The following MATN2 variants were observed in gnomAD, a reference collection of about 807,000 sequenced individuals.
MATN2 encodes matrilin-2.
In MATN2, 69 loss-of-function variants were observed where a neutral mutation model predicts 103.2. That is an observed-to-expected ratio of 0.67 (90% confidence interval 0.55 to 0.82). MATN2 has a LOEUF of 0.82. MATN2 is among the 40% of genes least tolerant of loss of function. The probability of loss-of-function intolerance (pLI) is 0.00; values close to 1 mark genes in which losing one functional copy is unlikely to be tolerated. For missense variants in MATN2, 1,023 were observed against 1,211.5 expected, an observed-to-expected ratio of 0.84 and a Z score of 2.31; for synonymous variants, 429 against 450.2, an observed-to-expected ratio of 0.95 and a Z score of 0.60.
chr8:98,017,850 A>G, intron 11 of MATN2, 144 bp from the exon 12 acceptor site: 3 of 836,002 alleles, frequency 3.6e-6, no homozygotes, highest in Non-Finnish European at 5.7e-6. Context: ...TTTGTTCTCA[A>G]TTGTAACTTC....
chr8:97,986,789 T>C (rs1291299637), intron 6 of MATN2, among the ~76,000 whole-genome samples: 2 of 152,242 alleles, frequency 1.3e-5, no homozygotes, highest in Non-Finnish European at 2.9e-5. Flanking sequence ...TTCCTCTGGG[T>C]AGATACTCAG....
At chr8:97,912,278 A>G (rs535310492) in intron 2 of MATN2, among the ~76,000 whole-genome samples, 2 of 152,314 alleles carry the variant, frequency 1.3e-5, no homozygotes, top group African/African-American at 2.4e-5. Flanking sequence ...ATCATCTACA[A>G]GAAAGACTAT....
At chr8:97,938,005 G>A (rs181251959) in intron 3 of MATN2, among the ~76,000 whole-genome samples, 1 of 152,240 alleles carries the variant, frequency 6.6e-6, no homozygotes, top group East Asian at 1.9e-4. Flanking sequence ...CTCTCCCCAC[G>A]ATGCTGCCTG....
At chr8:97,945,716 AAAT>A (rs1211745629) in intron 4 of MATN2, among the ~76,000 whole-genome samples, 3 of 80,106 alleles carry the variant, frequency 3.7e-5, no homozygotes, top group African/African-American at 1.6e-4. Context: ...AAAAAAAAAA[AAAT>A]ATATATATAT....
At chr8:97,961,196 T>C (rs1410236094) in intron 4 of MATN2, among the ~76,000 whole-genome samples, 1 of 152,200 alleles carries the variant, frequency 6.6e-6, no homozygotes, top group Non-Finnish European at 1.5e-5. Flanking sequence ...CTCTGGGTAG[T>C]AGGATTACAG....
intron 14 of MATN2, among the ~76,000 whole-genome samples, chr8:98,029,296 C>T (rs1475306667): frequency 6.6e-6 from 1 of 152,202 alleles, no homozygotes; most frequent in Non-Finnish European, 1.5e-5. Flanking sequence ...TCATGTCAAA[C>T]TCATAGGCCC....
At chr8:97,988,189 T>TACAC (rs58039452) in intron 6 of MATN2, among the ~76,000 whole-genome samples, 1,375 of 54,888 alleles carry the variant, frequency 0.025, 61 homozygotes, top group Middle Eastern at 0.043. Context: ...TATATATATA[T>TACAC]ACACACACAC....
chr8:97,938,552 C>T (rs564324433), intron 3 of MATN2, among the ~76,000 whole-genome samples: 2 of 152,284 alleles, frequency 1.3e-5, no homozygotes, highest in South Asian at 4.1e-4. Flanking sequence ...TTGGAAACCA[C>T]CCAAATGCTT....
intron 6 of MATN2, among the ~76,000 whole-genome samples, chr8:97,989,233 G>T (rs920567263): frequency 4.6e-5 from 7 of 152,178 alleles, no homozygotes; most frequent in African/African-American, 1.7e-4. Flanking sequence ...ACTTTGGGAG[G>T]CCGAGGCGGG....
chr8:98,011,318 C>A (rs1277103934), intron 10 of MATN2, among the ~76,000 whole-genome samples: 1 of 151,424 alleles, frequency 6.6e-6, no homozygotes, highest in Non-Finnish European at 1.5e-5. Context: ...TTGGGGGAAA[C>A]AGTCTGTAGC....
intron 3 of MATN2, among the ~76,000 whole-genome samples, chr8:97,937,000 G>GT (rs1477813351): frequency 1.3e-5 from 2 of 152,190 alleles, no homozygotes; most frequent in African/African-American, 4.8e-5. Flanking sequence ...GATGGCAGTT[G>GT]TGAGAGTCCT....
intron 2 of MATN2, among the ~76,000 whole-genome samples, chr8:97,913,368 G>T (rs1183285603): frequency 6.7e-6 from 1 of 149,246 alleles, no homozygotes; most frequent in Non-Finnish European, 1.5e-5. Flanking sequence ...AGGTTGGAGT[G>T]CAGTGGCACG....
intron 6 of MATN2, among the ~76,000 whole-genome samples, chr8:97,980,268 A>T (rs1187281263): frequency 6.6e-6 from 1 of 152,246 alleles, no homozygotes; most frequent in Non-Finnish European, 1.5e-5. Context: ...AAGAGTAAGT[A>T]AATGAATGAG....
At chr8:97,935,296 T>C (rs952653354) in intron 3 of MATN2, among the ~76,000 whole-genome samples, 3 of 152,208 alleles carry the variant, frequency 2.0e-5, no homozygotes, top group Non-Finnish European at 2.9e-5. Context: ...GATGAGGTGA[T>C]ACTAATAATC....
intron 13 of MATN2, among the ~76,000 whole-genome samples, chr8:98,021,941 A>T (rs1322482920): frequency 6.6e-6 from 1 of 152,214 alleles, no homozygotes; most frequent in Non-Finnish European, 1.5e-5. Flanking sequence ...TGGATCAGTG[A>T]GTGTCTGAAT....
rs145584789 is a variant in MATN2, at chr8:97,991,267, G to A, written c.1082-3213G>A. Among the ~76,000 whole-genome samples the A allele has an allele frequency of 1.9e-3, 296 of 152,282 alleles. 2 individuals are homozygous for A. The highest frequency in any genetic ancestry group is 6.9e-3 in the African/African-American group (286 of 41,554). On this transcript the variant is annotated intron_variant, in intron 6 of 18. Coordinates refer to ENST00000254898, the MANE Select transcript of MATN2 (RefSeq NM_002380.5). ...GTTTCGTTTTGTTTTGTTTGTTAGA[G>A]ACAGGCTCTTGCTTTGTTGCCCAGG...
chr8:97,945,717 A>AAAAAATATATATATAT (rs59472539), intron 4 of MATN2, among the ~76,000 whole-genome samples: 11 of 121,808 alleles, frequency 9.0e-5, no homozygotes, highest in African/African-American at 3.1e-4. Flanking sequence ...AAAAAAAAAA[A>AAAAAATATATATATAT]ATATATATAT....
At chr8:97,871,207 C>T (rs1049014419) in intron 1 of MATN2, among the ~76,000 whole-genome samples, 1 of 152,198 alleles carries the variant, frequency 6.6e-6, no homozygotes, top group African/African-American at 2.4e-5. Context: ...GAGATGTTTG[C>T]TCTTTGAAAT....
chr8:97,885,268 T>C (rs1443787597), intron 1 of MATN2, among the ~76,000 whole-genome samples: 3 of 152,170 alleles, frequency 2.0e-5, no homozygotes, highest in Non-Finnish European at 2.9e-5. Context: ...GAAAGGGGAA[T>C]AGCAATAAAA....
Sources: gnomAD v4.1 joint callset for allele counts (sites outside exome capture counted in the v4.1 genomes callset) on GRCh38, gnomAD v4.1.1 for gene constraint, MANE v1.5 for transcripts, NCBI Gene and HGNC (gene_info 2026-07-23, HGNC 2026-07-21) for gene names.